C3orf22: variants seen among roughly 807,000 people sequenced by gnomAD.
C3orf22 encodes uncharacterized protein C3orf22.
A neutral mutation model predicts 10.8 loss-of-function variants in C3orf22; 7 were observed. That is an observed-to-expected ratio of 0.65 (90% CI 0.37 to 1.22). The LOEUF is 1.22. C3orf22 is among the 50% of genes most tolerant of loss of function. The pLI is 0.02. For synonymous variants in C3orf22, 79 were observed against 78.9 expected, an observed-to-expected ratio of 1.00 and a Z score of 0.00; for missense variants, 173 against 177.0, an observed-to-expected ratio of 0.98 and a Z score of 0.13.
Position 126,549,878 on chromosome 3 carries a change from C to G in C3orf22, c.416G>C (p.Gly139Ala), listed in dbSNP as rs1000843897. The change falls in exon 4 of 4, where the codon GGC becomes GCC. Residue 139 changes from glycine to alanine, a missense_variant. Gly to Ala is a moderately conservative substitution (Grantham distance 60, BLOSUM62 0). Transcript: ENST00000318225. ...CACAGAGCCCAGTCTCTAGGAGAGG[C>G]CCCTGGACAGCCCTGCCGCCTTGCT... ...QTSKAAGLSRGLS is the reference protein window; with the variant it reads ...QTSKAAGLSRALS 1 of 1,612,450 alleles carries G rather than the reference C, an allele frequency of 6.2e-7. No homozygotes were observed. Among genetic ancestry groups the G allele is most frequent in the African/African-American group, 1.3e-5 (1 of 74,866 alleles).
exon 6 of C3orf22, chr3:126,527,421 G>C (rs554062353): frequency 6.6e-6 from 1 of 152,312 alleles, no homozygotes; most frequent in African/African-American, 2.4e-5. Flanking sequence ...GCTTTTCTCT[G>C]CCATAGCCTC....
At chr3:126,528,818 C>T (rs1936587653) in intron 5 of C3orf22, among the ~76,000 whole-genome samples, 1 of 152,194 alleles carries the variant, frequency 6.6e-6, no homozygotes, top group South Asian at 2.1e-4. Flanking sequence ...TATAATAATA[C>T]ATGAAGGGCT....
At chr3:126,549,180 C>T (rs1028275211), downstream of C3orf22, among the ~76,000 whole-genome samples, 2 of 152,124 alleles carry the variant, frequency 1.3e-5, no homozygotes, top group African/African-American at 4.8e-5. Context: ...GTGTGCCTCA[C>T]TCTCGGTCCT....
exon 5 of C3orf22, chr3:126,529,213 G>T (rs2107562569): frequency 2.4e-6 from 2 of 848,964 alleles, no homozygotes; most frequent in Non-Finnish European, 3.4e-6. Context: ...GGTTTCTAGT[G>T]TGGTGTTTCA....
intron 4 of C3orf22, chr3:126,529,388 G>T: frequency 7.8e-7 from 1 of 1,289,230 alleles, no homozygotes; most frequent in Non-Finnish European, 1.0e-6. Context: ...GATGCCGCAA[G>T]GGGGGACAGG....
intron 4 of C3orf22, among the ~76,000 whole-genome samples, chr3:126,540,971 T>C (rs1181530832): frequency 1.3e-5 from 2 of 152,102 alleles, no homozygotes; most frequent in African/African-American, 4.8e-5. Flanking sequence ...TAGGCAGGGG[T>C]GTTAATCTTG....
At chr3:126,553,084 G>C (rs749908559) in intron 2 of C3orf22, among the ~76,000 whole-genome samples, 11 of 152,236 alleles carry the variant, frequency 7.2e-5, no homozygotes, top group Non-Finnish European at 1.6e-4. Flanking sequence ...GGATGACCCA[G>C]GGAGGCCTGA....
At chr3:126,553,223 G>A (rs1473718985) in intron 2 of C3orf22, 79 bp downstream of exon 2, 2 of 999,414 alleles carry the variant, frequency 2.0e-6, no homozygotes, top group Non-Finnish European at 1.6e-6. Flanking sequence ...CAGCCCCACA[G>A]AATGCATTTG....
At chr3:126,556,386 T>C (rs1227275608) in intron 1 of C3orf22, among the ~76,000 whole-genome samples, 1 of 152,136 alleles carries the variant, frequency 6.6e-6, no homozygotes, top group African/African-American at 2.4e-5. Context: ...CTGGCTGAGC[T>C]GCAGCCATGG....
chr3:126,539,688 CCACA>C (rs1341721743), intron 4 of C3orf22, among the ~76,000 whole-genome samples: 2 of 130,838 alleles, frequency 1.5e-5, no homozygotes, highest in Admixed American at 7.5e-5. Flanking sequence ...ACCACAGACA[CCACA>C]CACACACCAC....
intron 4 of C3orf22, chr3:126,536,164 T>G: frequency 1.2e-6 from 1 of 843,202 alleles, no homozygotes; most frequent in Non-Finnish European, 2.0e-6. Context: ...GGGAAGGAAA[T>G]TGAGTGCCAG....
intron 4 of C3orf22, among the ~76,000 whole-genome samples, chr3:126,540,129 G>A (rs777388307): frequency 1.3e-5 from 2 of 151,604 alleles, no homozygotes; most frequent in African/African-American, 2.4e-5. Flanking sequence ...CCCCACTGGC[G>A]TCAGACCCTC....
At chr3:126,529,230 A>G in exon 5 of C3orf22, 1 of 987,888 alleles carries the variant, frequency 1.0e-6, no homozygotes, top group South Asian at 1.3e-5. Context: ...TTCACCCGGT[A>G]TCTTGATTGG....
At chr3:126,545,802 C>T (rs1937057751), downstream of C3orf22, among the ~76,000 whole-genome samples, 1 of 152,124 alleles carries the variant, frequency 6.6e-6, no homozygotes, top group African/African-American at 2.4e-5. Flanking sequence ...GGCTTGATGA[C>T]AGTCGTTTAA....
chr3:126,542,601 A>G, intron 4 of C3orf22: 1 of 1,450,596 alleles, frequency 6.9e-7, no homozygotes, highest in South Asian at 1.5e-5. Flanking sequence ...TCCTGTGGCC[A>G]CGCGGGGCAA....
chr3:126,533,663 G>T (rs4679256), intron 4 of C3orf22, among the ~76,000 whole-genome samples: 30,220 of 152,068 alleles, frequency 0.2, 3,531 homozygotes, highest in Admixed American at 0.26. Flanking sequence ...ATTCATAAGG[G>T]ACATGGCTCT....
At chr3:126,536,923 A>ACACACC (rs557001264) in intron 4 of C3orf22, among the ~76,000 whole-genome samples, 5 of 141,458 alleles carry the variant, frequency 3.5e-5, no homozygotes, top group African/African-American at 1.4e-4. Flanking sequence ...ACACACACAC[A>ACACACC]CCCCACACAC....
chr3:126,547,469 A>T (rs970692802), downstream of C3orf22, among the ~76,000 whole-genome samples: 4 of 152,128 alleles, frequency 2.6e-5, no homozygotes, highest in African/African-American at 9.7e-5. Flanking sequence ...CTTCCTTTAA[A>T]CGCCCAGGAG....
chr3:126,533,481 C>T (rs1560138744), intron 4 of C3orf22, among the ~76,000 whole-genome samples: 1 of 152,142 alleles, frequency 6.6e-6, no homozygotes, highest in African/African-American at 2.4e-5. Flanking sequence ...TATTGATGAG[C>T]ATGTGGGCTT....
Sources: gnomAD v4.1 joint callset for allele counts (sites outside exome capture counted in the v4.1 genomes callset) on GRCh38, gnomAD v4.1.1 for gene constraint, MANE v1.5 for transcripts, NCBI Gene and HGNC (gene_info 2026-07-23, HGNC 2026-07-21) for gene names.